L3MBTL4: variants seen among roughly 807,000 people sequenced by gnomAD.
L3MBTL4 encodes L3MBTL histone methyl-lysine binding protein 4.
L3MBTL4 carries 70 observed loss-of-function variants against 84.5 expected under a neutral mutation model. The ratio of observed to expected loss-of-function variants is 0.83; its 90% CI spans 0.68 to 1.01. The LOEUF (loss-of-function observed/expected upper bound fraction) is 1.01, where lower values mean the gene tolerates loss of function less well. Among genes scored for constraint, L3MBTL4 ranks in the 50% least tolerant of loss-of-function variants. The pLI is 0.00. For synonymous variants in L3MBTL4, 274 were observed against 259.8 expected, an observed-to-expected ratio of 1.05 and a Z score of -0.52; for missense variants, 715 against 754.8, an observed-to-expected ratio of 0.95 and a Z score of 0.62.
In L3MBTL4 at chr18:6,414,241, A is replaced by C. The variant is rs915839990; in HGVS notation, c.-91+560T>G. 6.6e-6 allele frequency: 1 copy of C among 152,442 alleles called. No homozygotes were observed. The highest frequency in any genetic ancestry group is 1.5e-5 in the Non-Finnish European group (1 of 68,218). The allele number at this position is 152,442 out of a possible 1,614,324, so 9.4% of individuals were successfully genotyped here. A position where few individuals can be genotyped will look rare whatever the true frequency, so the allele number is the denominator to read the frequency against. On this transcript the variant is annotated intron_variant, in intron 1 of 18. Coordinates refer to ENST00000317931, the MANE Select transcript of L3MBTL4 (RefSeq NM_001330559.2). This position sits in a 1 kb window ranked among gnomAD's most constrained non-coding sequence, Gnocchi z 5.4. ...CTGGGCAGAACTCGCAGAGGAAGAC[A>C]AGGGCAGAAAGCGGGTGGAGGGAGG...
intron 5 of L3MBTL4, among the ~76,000 whole-genome samples, chr18:6,248,568 C>T (rs2047785999): frequency 6.6e-6 from 1 of 152,208 alleles, no homozygotes; most frequent in Non-Finnish European, 1.5e-5. Context: ...CACACCACCT[C>T]GTGGAGGTCA....
At chr18:6,071,718 A>T (rs1213902885) in intron 16 of L3MBTL4, among the ~76,000 whole-genome samples, 26 of 129,410 alleles carry the variant, frequency 2.0e-4, no homozygotes, top group Non-Finnish European at 3.8e-4. Flanking sequence ...AGAAAGAAGG[A>T]AAGAAAGAAG....
At position 6,076,067 on chromosome 18, in the gene L3MBTL4, G is replaced by A. The variant is rs143871985; in HGVS notation, c.1444+4814C>T. 3.1e-3 allele frequency among the ~76,000 whole-genome samples: 474 copies of A among 152,248 alleles called. 2 individuals carry two copies. Among genetic ancestry groups the A allele is most frequent in the African/African-American group, 0.011 (457 of 41,562 alleles). ...AGGAACATCCTGGTACAACCACTTT[G>A]TAAAAATATTTGACACTAACTGCTG... On this transcript the variant is annotated intron_variant, in intron 16 of 18. Transcript: ENST00000317931.
chr18:6,305,906 A>G (rs1362626503), intron 3 of L3MBTL4, among the ~76,000 whole-genome samples: 2 of 152,172 alleles, frequency 1.3e-5, no homozygotes, highest in Admixed American at 1.3e-4. Context: ...ATTTTCAGCT[A>G]CTGATTTGTG....
intron 5 of L3MBTL4, chr18:6,260,922 A>G (rs1193441812): frequency 6.6e-6 from 1 of 152,212 alleles, no homozygotes; most frequent in Non-Finnish European, 1.5e-5. Context: ...ATTAAAACCT[A>G]TTTTTAACTA....
chr18:6,384,562 A>G (rs1030385263), intron 1 of L3MBTL4, among the ~76,000 whole-genome samples: 1 of 152,244 alleles, frequency 6.6e-6, no homozygotes, highest in Non-Finnish European at 1.5e-5. Flanking sequence ...AATCTGGGAC[A>G]CTATTTCTAA....
intron 16 of L3MBTL4, among the ~76,000 whole-genome samples, chr18:5,996,258 C>T (rs1355688022): frequency 5.3e-5 from 8 of 152,096 alleles, no homozygotes; most frequent in Admixed American, 4.6e-4. Context: ...TGATTTTTTC[C>T]GAAATAGATG....
At chr18:6,321,950 T>C (rs1599631204) in intron 1 of L3MBTL4, among the ~76,000 whole-genome samples, 1 of 152,144 alleles carries the variant, frequency 6.6e-6, no homozygotes, top group Non-Finnish European at 1.5e-5. Context: ...TTTGGTATAA[T>C]GTACACTACT....
At chr18:6,148,627 T>A (rs1268640974) in intron 13 of L3MBTL4, among the ~76,000 whole-genome samples, 1 of 152,062 alleles carries the variant, frequency 6.6e-6, no homozygotes, top group Non-Finnish European at 1.5e-5. Context: ...AGGGGGGTCA[T>A]GCTATGTTGC....
intron 1 of L3MBTL4, among the ~76,000 whole-genome samples, chr18:6,413,752 C>A (rs2056068178): frequency 6.6e-6 from 1 of 152,252 alleles, no homozygotes; most frequent in Admixed American, 6.5e-5. Flanking sequence ...TGGGAATGGC[C>A]GAGTGGGTCG....
chr18:6,227,156 A>G (rs1284892738), intron 10 of L3MBTL4, among the ~76,000 whole-genome samples: 1 of 152,192 alleles, frequency 6.6e-6, no homozygotes, highest in East Asian at 1.9e-4. Flanking sequence ...GCAAAAAACT[A>G]TAGAATAAAA....
At chr18:6,005,119 G>A (rs2054412752) in intron 16 of L3MBTL4, among the ~76,000 whole-genome samples, 1 of 150,122 alleles carries the variant, frequency 6.7e-6, no homozygotes, top group African/African-American at 2.5e-5. Context: ...TGAGGTGGGT[G>A]GATAACTTGA....
intron 4 of L3MBTL4, among the ~76,000 whole-genome samples, chr18:6,297,650 TG>T (rs1289237383): frequency 2.0e-5 from 3 of 152,250 alleles, no homozygotes; most frequent in Admixed American, 2.0e-4. Flanking sequence ...TTTTAAATAA[TG>T]TTTGTCTGAT....
intron 16 of L3MBTL4, among the ~76,000 whole-genome samples, chr18:6,013,807 A>G (rs922875793): frequency 1.3e-5 from 2 of 152,260 alleles, no homozygotes; most frequent in African/African-American, 4.8e-5. Flanking sequence ...TTAGGCAACC[A>G]GAAATATTTG....
chr18:5,998,244 A>G (rs1209596415), intron 16 of L3MBTL4, among the ~76,000 whole-genome samples: 1 of 152,210 alleles, frequency 6.6e-6, no homozygotes, highest in Non-Finnish European at 1.5e-5. Flanking sequence ...GAGGCACTTC[A>G]TCTGAAAGAA....
intron 16 of L3MBTL4, among the ~76,000 whole-genome samples, chr18:5,972,128 C>T (rs752041679): frequency 6.6e-6 from 1 of 152,136 alleles, no homozygotes; most frequent in Non-Finnish European, 1.5e-5. Flanking sequence ...GATCCCCTAC[C>T]TGGGGTTCAG....
At chr18:6,406,821 GA>G (rs1458001230) in intron 1 of L3MBTL4, among the ~76,000 whole-genome samples, 1 of 151,714 alleles carries the variant, frequency 6.6e-6, no homozygotes, top group Non-Finnish European at 1.5e-5. Context: ...GTGTAACTAC[GA>G]AAAAAAAGCC....
intron 14 of L3MBTL4, among the ~76,000 whole-genome samples, chr18:6,101,205 G>A (rs781153771): frequency 8.5e-5 from 13 of 152,160 alleles, no homozygotes; most frequent in African/African-American, 2.2e-4. Context: ...CAGGTTTTCC[G>A]CTTCTCCAAC....
intron 1 of L3MBTL4, among the ~76,000 whole-genome samples, chr18:6,352,739 A>G (rs561769818): frequency 2.6e-4 from 39 of 152,236 alleles, no homozygotes; most frequent in South Asian, 2.1e-3. Context: ...CAATTTATCT[A>G]TTTCTTAGCT....
Sources: gnomAD v4.1 joint callset for allele counts (sites outside exome capture counted in the v4.1 genomes callset) on GRCh38, gnomAD v4.1.1 for gene constraint, Gnocchi (gnomAD v3.1) non-coding constraint, MANE v1.5 for transcripts, NCBI Gene and HGNC (gene_info 2026-07-23, HGNC 2026-07-21) for gene names.